The following ARHGAP6 variants were observed in gnomAD, a reference collection of about 807,000 sequenced individuals.
The protein encoded by ARHGAP6 is rho GTPase-activating protein 6.
A neutral mutation model predicts 55.7 loss-of-function variants in ARHGAP6; 16 were observed. The ratio of observed to expected loss-of-function variants is 0.29; its 90% CI spans 0.19 to 0.44. The LOEUF (loss-of-function observed/expected upper bound fraction) is 0.44, where lower values mean the gene tolerates loss of function less well. Among genes scored for constraint, ARHGAP6 ranks in the 20% least tolerant of loss-of-function variants. The pLI, the probability that ARHGAP6 is intolerant of heterozygous loss-of-function variation, is 1.00. For missense variants in ARHGAP6, 698 were observed against 808.9 expected, an observed-to-expected ratio of 0.86 and a Z score of 1.66; for synonymous variants, 382 against 360.9, an observed-to-expected ratio of 1.06 and a Z score of -0.66.
chrX:11,157,235 C>T (rs2045876103), intron 9 of ARHGAP6, among the ~76,000 whole-genome samples: 1 of 112,173 alleles, frequency 8.9e-6, no homozygotes, highest in Non-Finnish European at 1.9e-5. Context: ...CGAAGCATTG[C>T]TATGGTGATT....
chrX:11,630,007 A>G lies in ARHGAP6; in HGVS notation c.588+34234T>C, dbSNP rs997455520. ...TTTGAAAAGAATCGAAGCTCCCCCA[A>G]CTAGTGTGTGTGTGTGTGTGTGTAT... is the stretch of plus-strand genomic sequence containing the variant. On this transcript the variant is annotated intron_variant, in intron 1 of 12. Coordinates refer to ENST00000337414, the MANE Select transcript of ARHGAP6 (RefSeq NM_013427.3). 2.9e-5 allele frequency among the ~76,000 whole-genome samples: 3 copies of G among 103,608 alleles called. No homozygotes were observed. The Admixed American group carries it at 3.0e-4, about 10-fold the overall frequency. 90.0% of individuals were successfully genotyped at this position (103,608 alleles called of 115,157 possible). A position where few individuals can be genotyped will look rare whatever the true frequency, so the allele number is the denominator to read the frequency against.
intron 1 of ARHGAP6, among the ~76,000 whole-genome samples, chrX:11,613,338 G>A (rs1257459485): frequency 1.8e-5 from 2 of 112,466 alleles, no homozygotes; most frequent in African/African-American, 3.2e-5. Context: ...GAGAATCTGA[G>A]AAGGACAGTG....
At chrX:11,467,759 C>T (rs1001790128) in intron 1 of ARHGAP6, among the ~76,000 whole-genome samples, 2 of 110,680 alleles carry the variant, frequency 1.8e-5, no homozygotes, top group Non-Finnish European at 3.8e-5. Flanking sequence ...ATGGGTGAAT[C>T]GCTTGAGCCC....
chrX:11,660,390 G>A (rs1181971212), intron 1 of ARHGAP6, among the ~76,000 whole-genome samples: 2 of 108,208 alleles, frequency 1.8e-5, no homozygotes, highest in Admixed American at 2.0e-4. Context: ...GTGAAACCCA[G>A]TCTCTACTGG....
At chrX:11,617,558 C>T (rs926393422) in intron 1 of ARHGAP6, among the ~76,000 whole-genome samples, 3 of 111,218 alleles carry the variant, frequency 2.7e-5, no homozygotes, top group Non-Finnish European at 5.7e-5. Flanking sequence ...AAGTTAAGGA[C>T]CTTGAAATGA....
intron 1 of ARHGAP6, among the ~76,000 whole-genome samples, chrX:11,375,496 TA>T (rs1172930982): frequency 1.8e-5 from 2 of 112,319 alleles, no homozygotes; most frequent in Non-Finnish European, 3.8e-5. Context: ...TCTTTCTTAT[TA>T]AACATACCTC....
intron 1 of ARHGAP6, among the ~76,000 whole-genome samples, chrX:11,643,779 C>T (rs1381582623): frequency 1.8e-5 from 2 of 111,331 alleles, no homozygotes; most frequent in Non-Finnish European, 3.8e-5. Flanking sequence ...CTAGCCTATG[C>T]CTCAAGAGGC....
chrX:11,339,434 G>A (rs2048677214), intron 1 of ARHGAP6, among the ~76,000 whole-genome samples: 1 of 109,827 alleles, frequency 9.1e-6, no homozygotes. Flanking sequence ...CTCCTTTGTG[G>A]TACTGAGGTC....
At chrX:11,391,304 G>A (rs187362340) in intron 1 of ARHGAP6, among the ~76,000 whole-genome samples, 1 of 110,671 alleles carries the variant, frequency 9.0e-6, no homozygotes, top group Admixed American at 9.6e-5. Context: ...TCACACACCG[G>A]GGCCTGTTGT....
intron 2 of ARHGAP6, among the ~76,000 whole-genome samples, chrX:11,213,751 G>A (rs1326929122): frequency 9.0e-6 from 1 of 111,701 alleles, no homozygotes; most frequent in African/African-American, 3.3e-5. Context: ...TCAGAAGGGT[G>A]GGAGAGTGTT....
chrX:11,224,209 A>T (rs1376949258), intron 2 of ARHGAP6: 1 of 122,829 alleles, frequency 8.1e-6, no homozygotes, highest in African/African-American at 3.2e-5. Flanking sequence ...AAGGAGCTGA[A>T]TGCCCTTGAA....
chrX:11,309,750 A>G (rs2147597950), intron 1 of ARHGAP6, among the ~76,000 whole-genome samples: 1 of 111,127 alleles, frequency 9.0e-6, no homozygotes, highest in East Asian at 2.8e-4. Context: ...TAAAAAGACA[A>G]CCTAATTGAA....
At chrX:11,480,455 G>C (rs902858567) in intron 1 of ARHGAP6, among the ~76,000 whole-genome samples, 7 of 110,475 alleles carry the variant, frequency 6.3e-5, no homozygotes, top group African/African-American at 2.3e-4. Context: ...GTATGGAGTG[G>C]GAGAAATGGG....
At chrX:11,475,031 C>T (rs935129721) in intron 1 of ARHGAP6, among the ~76,000 whole-genome samples, 2 of 111,083 alleles carry the variant, frequency 1.8e-5, no homozygotes, top group Non-Finnish European at 3.8e-5. Context: ...CCTGAAGAAC[C>T]ATAATCTAAA....
chrX:11,549,223 A>G (rs1350522965), intron 1 of ARHGAP6, among the ~76,000 whole-genome samples: 1 of 112,136 alleles, frequency 8.9e-6, no homozygotes, highest in African/African-American at 3.2e-5. Flanking sequence ...AAGTAATTCC[A>G]TAAAAATTGT....
At chrX:11,576,389 C>A (rs979990275) in intron 1 of ARHGAP6, among the ~76,000 whole-genome samples, 1 of 111,722 alleles carries the variant, frequency 9.0e-6, no homozygotes, top group African/African-American at 3.3e-5. Context: ...AGTTATCTGA[C>A]TAGTGAAGAA....
chrX:11,579,403 T>C (rs1019022628), intron 1 of ARHGAP6, among the ~76,000 whole-genome samples: 1 of 112,163 alleles, frequency 8.9e-6, no homozygotes, highest in East Asian at 2.8e-4. Flanking sequence ...TAGTATAATG[T>C]TACAAATGAT....
chrX:11,390,467 T>C (rs1454674381), intron 1 of ARHGAP6, among the ~76,000 whole-genome samples: 2 of 110,849 alleles, frequency 1.8e-5, no homozygotes, highest in African/African-American at 3.3e-5. Context: ...ACAAATGGGA[T>C]CTAATTAAAC....
At chrX:11,506,447 G>A (rs942062641) in intron 1 of ARHGAP6, among the ~76,000 whole-genome samples, 1 of 108,522 alleles carries the variant, frequency 9.2e-6, no homozygotes, top group African/African-American at 3.4e-5. Flanking sequence ...TTGTCCATGT[G>A]TTCTCATTGT....
Sources: gnomAD v4.1 joint callset for allele counts (sites outside exome capture counted in the v4.1 genomes callset) on GRCh38, gnomAD v4.1.1 for gene constraint, MANE v1.5 for transcripts, NCBI Gene and HGNC (gene_info 2026-07-23, HGNC 2026-07-21) for gene names.